Variants in ELF2 observed in about 807,000 individuals in gnomAD.
ELF2 encodes the protein ETS-related transcription factor Elf-2.
In ELF2, 11 loss-of-function variants were observed where a neutral mutation model predicts 54.8. The ratio of observed to expected loss-of-function variants is 0.20; its 90% CI spans 0.13 to 0.33. The LOEUF (loss-of-function observed/expected upper bound fraction) is 0.33, where lower values mean the gene tolerates loss of function less well. Among genes scored for constraint, ELF2 ranks in the 10% least tolerant of loss-of-function variants. The pLI, the probability that ELF2 is intolerant of heterozygous loss-of-function variation, is 1.00. For synonymous variants in ELF2, 203 were observed against 245.1 expected, an observed-to-expected ratio of 0.83 and a Z score of 1.61; for missense variants, 513 against 703.0, an observed-to-expected ratio of 0.73 and a Z score of 3.06.
At chr4:139,103,403 G>A (rs1021147319) in intron 4 of ELF2, among the ~76,000 whole-genome samples, 1 of 152,150 alleles carries the variant, frequency 6.6e-6, no homozygotes, top group East Asian at 1.9e-4. Context: ...CCAACCTCTG[G>A]GCCTCGGGAA....
intron 4 of ELF2, among the ~76,000 whole-genome samples, chr4:139,097,173 GTTTT>G (rs780116147): frequency 6.6e-6 from 1 of 151,974 alleles, no homozygotes; most frequent in Non-Finnish European, 1.5e-5. Flanking sequence ...CAAGTTTTTG[GTTTT>G]TTTGTTTGTT....
intron 3 of ELF2, among the ~76,000 whole-genome samples, chr4:139,132,841 CATATATATATATAT>C (rs58765596): frequency 1.5e-3 from 170 of 115,032 alleles, no homozygotes; most frequent in African/African-American, 3.5e-3. Context: ...TATTACTTTA[CATATATATATATAT>C]ATATATATAT....
Position 139,139,492 on chromosome 4 carries a change from T to G in ELF2, c.-246A>C. On this transcript the variant is annotated 5_prime_UTR_variant, in exon 2 of 10. Coordinates refer to ENST00000686138, the MANE Select transcript of ELF2 (RefSeq NM_001331036.3). ...AGCTAAAATCTGAACCAGTAGTTCTTTGGAACTGCCAGCGGGAGGGGAAAA... is the reference window on the plus strand; with the variant it reads ...AGCTAAAATCTGAACCAGTAGTTCTGTGGAACTGCCAGCGGGAGGGGAAAA... The G allele has an allele frequency of 1.6e-6, 2 of 1,228,728 alleles. No homozygotes were observed. The highest frequency in any genetic ancestry group is 8.2e-5 in the South Asian group (2 of 24,292). The allele number at this position is 1,228,728 out of a possible 1,614,324, so 76.1% of individuals were successfully genotyped here.
At chr4:139,130,761 T>A (rs1737409514) in intron 3 of ELF2, among the ~76,000 whole-genome samples, 1 of 152,210 alleles carries the variant, frequency 6.6e-6, no homozygotes, top group African/African-American at 2.4e-5. Flanking sequence ...TAAAGTGGCA[T>A]TTAAGTACAG....
chr4:139,099,027 T>A (rs575207749), intron 4 of ELF2, among the ~76,000 whole-genome samples: 70 of 152,362 alleles, frequency 4.6e-4, no homozygotes, highest in African/African-American at 1.6e-3. Context: ...TATCCCAAAG[T>A]TAGTATTTTG....
chr4:139,160,161 C>T (rs1313328957), intron 1 of ELF2, among the ~76,000 whole-genome samples: 8 of 152,146 alleles, frequency 5.3e-5, no homozygotes, highest in African/African-American at 1.9e-4. Context: ...CACGGTGAAA[C>T]CCTGTCTCTA....
chr4:139,167,632 T>C (rs1169030231), intron 1 of ELF2, among the ~76,000 whole-genome samples: 1 of 152,178 alleles, frequency 6.6e-6, no homozygotes, highest in Non-Finnish European at 1.5e-5. Flanking sequence ...CTGGCCTAGA[T>C]CCTAAATTCT....
rs371519463 is a variant in ELF2, at chr4:139,083,374, A to C, written c.239-9807T>G. On this transcript the variant is annotated intron_variant, in intron 4 of 9. Transcript: ENST00000686138. Reference sequence around the variant, plus strand: ...CTTCCCATTCTCCCCCTAAAAAAACAACCCACGAGGGAAGGGGCATAAACC... The same window carrying C: ...CTTCCCATTCTCCCCCTAAAAAAACCACCCACGAGGGAAGGGGCATAAACC... Among the ~76,000 whole-genome samples, 19 of 152,282 alleles carry C rather than the reference A, an allele frequency of 1.2e-4. No homozygotes were observed. The East Asian group carries it at 1.7e-3, about 14-fold the overall frequency.
At chr4:139,174,999 A>C (rs1346297106) in intron 1 of ELF2, among the ~76,000 whole-genome samples, 2 of 152,222 alleles carry the variant, frequency 1.3e-5, no homozygotes, top group African/African-American at 2.4e-5. Flanking sequence ...TCCCCAACAG[A>C]TACCGATGGA....
At chr4:139,170,150 G>A (rs1461654709) in intron 1 of ELF2, among the ~76,000 whole-genome samples, 1 of 151,678 alleles carries the variant, frequency 6.6e-6, no homozygotes, top group East Asian at 1.9e-4. Context: ...TCTTGGATTA[G>A]GCAGAGTTCT....
Position 139,059,533 on chromosome 4 carries a change from T to C in ELF2, c.1232A>G (p.Gln411Arg), listed in dbSNP as rs143283803. The C allele has an allele frequency of 6.4e-4, 1,025 of 1,613,870 alleles. No individual in the cohort carries two copies. The highest frequency in any genetic ancestry group is 8.3e-4 in the Middle Eastern group (5 of 6,056). Residue 411 changes from glutamine (Q) to arginine (R), a missense_variant, in exon 10 of 10, where the codon CAG (glutamine) becomes CGG (arginine). Transcript: ENST00000686138. ...LGQKISTVAV[Q>R]SVNAGAPLIT... ...TAATGGTGCACCTGCATTAACTGACTGAACTGCCACAGTTGAAATTTTCTG... is the reference window on the plus strand; with the variant it reads ...TAATGGTGCACCTGCATTAACTGACCGAACTGCCACAGTTGAAATTTTCTG...
intron 1 of ELF2, among the ~76,000 whole-genome samples, chr4:139,171,051 A>C (rs1020672867): frequency 6.6e-6 from 1 of 152,014 alleles, no homozygotes; most frequent in African/African-American, 2.4e-5. Flanking sequence ...CAGCCCAAAC[A>C]ACCCAATTTT....
At chr4:139,161,844 C>G (rs1446252166) in intron 1 of ELF2, among the ~76,000 whole-genome samples, 1 of 151,986 alleles carries the variant, frequency 6.6e-6, no homozygotes, top group Non-Finnish European at 1.5e-5. Context: ...AGTGTAATCC[C>G]AGCACTTTGG....
chr4:139,157,027 C>T (rs1740617978), intron 1 of ELF2, among the ~76,000 whole-genome samples: 1 of 152,134 alleles, frequency 6.6e-6, no homozygotes, highest in African/African-American at 2.4e-5. Context: ...TCCTTAGGTC[C>T]TTAGGCAATT....
At chr4:139,128,240 A>C (rs577617660) in intron 3 of ELF2, among the ~76,000 whole-genome samples, 2 of 152,050 alleles carry the variant, frequency 1.3e-5, no homozygotes, top group South Asian at 4.1e-4. Context: ...ATGCCTTTGC[A>C]CTCCAGCCTG....
At chr4:139,169,561 T>C (rs2148914554) in intron 1 of ELF2, among the ~76,000 whole-genome samples, 1 of 151,844 alleles carries the variant, frequency 6.6e-6, no homozygotes, top group East Asian at 2.0e-4. Flanking sequence ...CATTTTTCCT[T>C]TAAAAATCTG....
intron 4 of ELF2, among the ~76,000 whole-genome samples, chr4:139,115,635 T>C (rs1735630067): frequency 6.6e-6 from 1 of 152,026 alleles, no homozygotes; most frequent in African/African-American, 2.4e-5. Context: ...CAGGAAAGAT[T>C]CATAATTGCA....
At chr4:139,061,714 T>TC in intron 8 of ELF2, 151 bp downstream of exon 8, 1 of 783,450 alleles carries the variant, frequency 1.3e-6, no homozygotes, top group Non-Finnish European at 1.9e-6. Flanking sequence ...AACTCCTATC[T>TC]CCCCACCTAC....
intron 4 of ELF2, among the ~76,000 whole-genome samples, chr4:139,084,967 G>A (rs1731810081): frequency 6.6e-6 from 1 of 152,058 alleles, no homozygotes; most frequent in Admixed American, 6.5e-5. Context: ...ACATTAAACG[G>A]GTATTTAGTA....
Sources: allele counts gnomAD v4.1 joint callset (sites outside exome capture counted in the v4.1 genomes callset), GRCh38; gene constraint gnomAD v4.1.1; transcripts MANE v1.5; gene names NCBI Gene and HGNC (gene_info 2026-07-23, HGNC 2026-07-21).